The following KIAA1549L variants were observed in gnomAD, a reference collection of about 807,000 sequenced individuals.
KIAA1549L encodes the protein UPF0606 protein KIAA1549L.
Under a neutral mutation model 160.7 loss-of-function variants are expected in KIAA1549L, and 88 were observed. The observed-to-expected ratio is 0.55, with a 90% CI of 0.46 to 0.65. The LOEUF (loss-of-function observed/expected upper bound fraction) is 0.65. KIAA1549L is among the 30% of genes least tolerant of loss of function. KIAA1549L has a pLI of 0.00. For synonymous variants in KIAA1549L, 950 were observed against 976.7 expected (o/e 0.97, Z 0.51); for missense variants, 2,258 against 2,437.5 (o/e 0.93, Z 1.55).
intron 20 of KIAA1549L, among the ~76,000 whole-genome samples, chr11:33,663,905 A>T (rs2133453651): frequency 6.6e-6 from 1 of 152,334 alleles, no homozygotes; most frequent in Non-Finnish European, 1.5e-5. Context: ...AGGGACCCCT[A>T]GGCAATTGTT....
At position 33,551,035 on chromosome 11, in the gene KIAA1549L, T is replaced by C; in HGVS notation, c.3502-5T>C. 1.2e-6 allele frequency: 2 copies of C among 1,612,490 alleles called. No homozygotes were observed. Among genetic ancestry groups the C allele is most frequent in the Non-Finnish European group, 1.7e-6 (2 of 1,178,494 alleles). ...ATGGGTTTTGTGGGTCCATTTGTTT[T>C]GTAGGTGGACATTCTGGAATATTCT... On this transcript the variant is annotated splice_polypyrimidine_tract_variant and splice_region_variant and intron_variant, in intron 4 of 20. Transcript: ENST00000658780.
rs1349780549 is a variant in KIAA1549L at position 33,618,555 on chromosome 11, T to C, written c.5302T>C (p.Tyr1768His). ...CAGGCAACAGATGAAGAACTCTGTC[T>C]ACAGAAGCCGGCAGTCTCTGAACAG... ...KNRQQMKNSV[Y>H]RSRQSLNSPS... Residue 1768 changes from tyrosine to histidine, a missense_variant, in exon 16 of 21, where the codon TAC becomes CAC. Physicochemically the swap from Tyr to His is moderately conservative, Grantham distance 83. Around this residue, in one of 6 missense-constraint regions of KIAA1549L, gnomAD observed 1,359 missense variants for 1,546.6 expected, o/e 0.88. Transcript: ENST00000658780. 1 of 1,609,180 alleles carries C rather than the reference T, an allele frequency of 6.2e-7. No individual in the cohort carries two copies. Among genetic ancestry groups the C allele is most frequent in the African/African-American group, 1.3e-5 (1 of 74,854 alleles).
chr11:33,524,321 C>T (rs903565492), intron 1 of KIAA1549L, among the ~76,000 whole-genome samples: 1 of 151,944 alleles, frequency 6.6e-6, no homozygotes, highest in African/African-American at 2.4e-5. Context: ...ATGTCTTACA[C>T]TTCTGTTCAC....
At chr11:33,604,898 A>G (rs187226612) in intron 13 of KIAA1549L, among the ~76,000 whole-genome samples, 12 of 152,318 alleles carry the variant, frequency 7.9e-5, no homozygotes, top group Non-Finnish European at 1.2e-4. Flanking sequence ...ATTTACCACT[A>G]TAGAATTCGT....
At chr11:33,588,674 G>A (rs1283899241) in intron 11 of KIAA1549L, among the ~76,000 whole-genome samples, 1 of 152,160 alleles carries the variant, frequency 6.6e-6, no homozygotes, top group East Asian at 1.9e-4. Flanking sequence ...TTATCTGAAG[G>A]CTTGCTTCTG....
chr11:33,530,436 A>AAAT (rs1853735474), intron 1 of KIAA1549L, among the ~76,000 whole-genome samples: 1 of 11,884 alleles, frequency 8.4e-5, no homozygotes, highest in Non-Finnish European at 1.4e-4. Flanking sequence ...AAAAAAAAAA[A>AAAT]ATATATATAT....
chr11:33,474,946 C>T (rs1852253669), intron 1 of KIAA1549L, among the ~76,000 whole-genome samples: 1 of 152,192 alleles, frequency 6.6e-6, no homozygotes, highest in African/African-American at 2.4e-5. Flanking sequence ...ATATTTTAAA[C>T]TCACACGGGA....
chr11:33,605,351 G>A (rs1850474510), intron 13 of KIAA1549L, among the ~76,000 whole-genome samples: 1 of 152,120 alleles, frequency 6.6e-6, no homozygotes, highest in Non-Finnish European at 1.5e-5. Context: ...TGTATAGCAA[G>A]TGTCCAGGAG....
intron 15 of KIAA1549L, among the ~76,000 whole-genome samples, chr11:33,611,235 C>T (rs2133332447): frequency 1.3e-5 from 2 of 152,320 alleles, no homozygotes; most frequent in East Asian, 3.9e-4. Flanking sequence ...TTGGTGACTT[C>T]CCTCTGGCCT....
At chr11:33,385,616 C>G (rs1422508179) in intron 1 of KIAA1549L, among the ~76,000 whole-genome samples, 1 of 152,128 alleles carries the variant, frequency 6.6e-6, no homozygotes, top group Non-Finnish European at 1.5e-5. Context: ...ATCTTTTTGG[C>G]TATTCTAGGT....
At chr11:33,485,997 C>G (rs553128229) in intron 1 of KIAA1549L, among the ~76,000 whole-genome samples, 14 of 152,266 alleles carry the variant, frequency 9.2e-5, no homozygotes, top group Admixed American at 5.2e-4. Flanking sequence ...TGTATATATT[C>G]CGCATTTCCT....
chr11:33,519,063 T>A (rs1292793640), intron 1 of KIAA1549L, among the ~76,000 whole-genome samples: 1 of 152,180 alleles, frequency 6.6e-6, no homozygotes, highest in African/African-American at 2.4e-5. Context: ...TGTAGCACAT[T>A]TTCTTGGGGA....
At chr11:33,640,928 G>A (rs563467148) in intron 16 of KIAA1549L, among the ~76,000 whole-genome samples, 1 of 152,322 alleles carries the variant, frequency 6.6e-6, no homozygotes, top group South Asian at 2.1e-4. Context: ...AATACATTCT[G>A]TGTCCCAGAT....
chr11:33,619,938 G>C (rs773319328), intron 16 of KIAA1549L, among the ~76,000 whole-genome samples: 1 of 152,114 alleles, frequency 6.6e-6, no homozygotes, highest in Non-Finnish European at 1.5e-5. Flanking sequence ...CTTCTTCCTC[G>C]ATGCTTATTT....
At chr11:33,443,701 T>G (rs1157395789) in intron 1 of KIAA1549L, among the ~76,000 whole-genome samples, 1 of 151,668 alleles carries the variant, frequency 6.6e-6, no homozygotes, top group African/African-American at 2.4e-5. Flanking sequence ...TGGGTCCTTC[T>G]CAGAATGAAA....
intron 9 of KIAA1549L, among the ~76,000 whole-genome samples, chr11:33,568,872 C>T (rs901237425): frequency 6.6e-6 from 1 of 152,162 alleles, no homozygotes; most frequent in African/African-American, 2.4e-5. Flanking sequence ...ACCTGCTTTG[C>T]CCATGCCATG....
intron 1 of KIAA1549L, among the ~76,000 whole-genome samples, chr11:33,444,852 C>T (rs915785597): frequency 6.6e-6 from 1 of 152,168 alleles, no homozygotes; most frequent in African/African-American, 2.4e-5. Context: ...GGAGGGTCTT[C>T]CTGCAGTTGC....
chr11:33,433,353 AC>A (rs1851290685), intron 1 of KIAA1549L, among the ~76,000 whole-genome samples: 1 of 152,236 alleles, frequency 6.6e-6, no homozygotes, highest in Non-Finnish European at 1.5e-5. Context: ...GCTCAACGTC[AC>A]TGATCATCAG....
At chr11:33,597,502 A>G (rs1339305409) in intron 12 of KIAA1549L, among the ~76,000 whole-genome samples, 6 of 152,214 alleles carry the variant, frequency 3.9e-5, no homozygotes, top group Non-Finnish European at 7.3e-5. Flanking sequence ...CTCCATTGTC[A>G]GGGATAGATG....
Sources: allele counts gnomAD v4.1 joint callset (sites outside exome capture counted in the v4.1 genomes callset), GRCh38; gene constraint gnomAD v4.1.1; regional missense constraint gnomAD v4.1.1; transcripts MANE v1.5; gene names NCBI Gene and HGNC (gene_info 2026-07-23, HGNC 2026-07-21).